The following GPR158 variants were observed in gnomAD, a reference collection of about 807,000 sequenced individuals.
GPR158 encodes metabotropic glycine receptor.
Under a neutral mutation model 78.2 loss-of-function variants are expected in GPR158, and 30 were observed. The observed-to-expected ratio is 0.38, with a 90% CI of 0.29 to 0.52. The LOEUF (loss-of-function observed/expected upper bound fraction) is 0.52. GPR158 is among the 20% of genes least tolerant of loss of function. The pLI, the probability that GPR158 is intolerant of heterozygous loss-of-function variation, is 0.83. For synonymous variants in GPR158, 581 were observed against 591.1 expected, an observed-to-expected ratio of 0.98 and a Z score of 0.25; for missense variants, 1,463 against 1,523.5, an observed-to-expected ratio of 0.96 and a Z score of 0.66.
intron 2 of GPR158, among the ~76,000 whole-genome samples, chr10:25,389,621 G>A (rs1240630931): frequency 6.6e-6 from 1 of 152,060 alleles, no homozygotes; most frequent in South Asian, 2.1e-4. Flanking sequence ...TGAATGGTGG[G>A]GCTAAAAAAG....
chr10:25,476,579 A>G (rs1301655254), intron 5 of GPR158, among the ~76,000 whole-genome samples: 5 of 152,118 alleles, frequency 3.3e-5, no homozygotes, highest in Non-Finnish European at 5.9e-5. Context: ...GTCTTTCTCC[A>G]GCCTCTTTAT....
rs371039444 is a variant in GPR158, at chr10:25,373,522, T to C, written c.1009-22389T>C. Among the ~76,000 whole-genome samples, 5 of 152,100 alleles carry C rather than the reference T, an allele frequency of 3.3e-5. No homozygotes were observed. The South Asian group carries it at 1.0e-3, about 31-fold the overall frequency. On this transcript the variant is annotated intron_variant, in intron 2 of 10. Coordinates refer to ENST00000376351, the MANE Select transcript of GPR158 (RefSeq NM_020752.3). ...ATGTATCTTCTTTGGGTTTATACAA[T>C]ATTGTTTTCAGTCTTCCTTTGTAGT...
intron 1 of GPR158, among the ~76,000 whole-genome samples, chr10:25,213,289 G>A (rs545166096): frequency 6.6e-6 from 1 of 152,230 alleles, no homozygotes; most frequent in African/African-American, 2.4e-5. Flanking sequence ...TGTTGGTAGA[G>A]GCAAGCTTTG....
At chr10:25,338,499 A>AT (rs1474085726) in intron 2 of GPR158, among the ~76,000 whole-genome samples, 41 of 139,268 alleles carry the variant, frequency 2.9e-4, no homozygotes, top group African/African-American at 1.0e-3. Flanking sequence ...TAATATACGT[A>AT]TATATATTAC....
chr10:25,233,769 A>T (rs1853485904), intron 2 of GPR158, among the ~76,000 whole-genome samples: 1 of 152,214 alleles, frequency 6.6e-6, no homozygotes, highest in South Asian at 2.1e-4. Flanking sequence ...CCATTCTCTT[A>T]TGAGTATCCC....
chr10:25,495,436 G>A (rs2130652049), intron 5 of GPR158, among the ~76,000 whole-genome samples: 1 of 150,906 alleles, frequency 6.6e-6, no homozygotes, highest in Admixed American at 6.6e-5. Flanking sequence ...GGGACTACAG[G>A]TGCCTGCCAT....
chr10:25,437,771 G>C (rs1438433523), intron 4 of GPR158, among the ~76,000 whole-genome samples: 1 of 152,148 alleles, frequency 6.6e-6, no homozygotes, highest in East Asian at 1.9e-4. Flanking sequence ...ATTGGAGATG[G>C]AAAAGTAGAG....
chr10:25,419,011 G>T (rs902887960), intron 4 of GPR158, among the ~76,000 whole-genome samples: 4 of 151,752 alleles, frequency 2.6e-5, no homozygotes, highest in African/African-American at 4.8e-5. Context: ...ATTCTAATAT[G>T]TTAATTATGA....
chr10:25,434,515 TACATAAGCAAAGG>T (rs1219249552), intron 4 of GPR158, among the ~76,000 whole-genome samples: 1 of 152,240 alleles, frequency 6.6e-6, no homozygotes, highest in Non-Finnish European at 1.5e-5. Context: ...CATCAAATGT[TACATAAGCAAAGG>T]ACTTTGCACA....
intron 5 of GPR158, among the ~76,000 whole-genome samples, chr10:25,472,506 A>G (rs1053436538): frequency 1.3e-5 from 2 of 152,290 alleles, no homozygotes; most frequent in South Asian, 2.1e-4. Flanking sequence ...GAAGAAAGTC[A>G]TTGGTAGCTG....
intron 2 of GPR158, among the ~76,000 whole-genome samples, chr10:25,360,726 T>A (rs1029050681): frequency 6.6e-6 from 1 of 152,158 alleles, no homozygotes; most frequent in African/African-American, 2.4e-5. Context: ...TTGCTCAGGA[T>A]TGTCTTGGCT....
At chr10:25,533,485 A>G (rs1010430934) in intron 5 of GPR158, among the ~76,000 whole-genome samples, 2 of 152,194 alleles carry the variant, frequency 1.3e-5, no homozygotes, top group African/African-American at 2.4e-5. Context: ...TCTCATGACT[A>G]TGGCTGTATC....
chr10:25,203,934 T>A lies in GPR158; in HGVS notation c.903-17118T>A, dbSNP rs963986137. Among the ~76,000 whole-genome samples, 3 of 144,950 alleles carry A rather than the reference T, an allele frequency of 2.1e-5. No individual in the cohort carries two copies. The Admixed American group carries it at 2.1e-4, about 10-fold the overall frequency. On this transcript the variant is annotated intron_variant, in intron 1 of 10. Transcript: ENST00000376351. ...TTTGTTTGTATCCTCTTTTATTTCATTGAGCAGTGGTTTGTACTTCTCCTT... is the reference window on the plus strand; with the variant it reads ...TTTGTTTGTATCCTCTTTTATTTCAATGAGCAGTGGTTTGTACTTCTCCTT...
chr10:25,210,378 G>T lies in GPR158; in HGVS notation c.903-10674G>T, dbSNP rs79990164. Among the ~76,000 whole-genome samples, 8 of 152,238 alleles carry T rather than the reference G, an allele frequency of 5.3e-5. No individual in the cohort carries two copies. The East Asian group carries it at 1.5e-3, about 29-fold the overall frequency. On this transcript the variant is annotated intron_variant, in intron 1 of 10. Coordinates refer to ENST00000376351, the MANE Select transcript of GPR158 (RefSeq NM_020752.3). Reference sequence around the variant, plus strand: ...AATGAGTGAGGATTTCTTCAAATGAGAAATCCAAAAGCAGGATTTCTGAGT... The same window carrying T: ...AATGAGTGAGGATTTCTTCAAATGATAAATCCAAAAGCAGGATTTCTGAGT...
chr10:25,402,696 G>C (rs536941988), intron 3 of GPR158, among the ~76,000 whole-genome samples: 2 of 151,858 alleles, frequency 1.3e-5, no homozygotes, highest in Non-Finnish European at 2.9e-5. Flanking sequence ...GAATATATTG[G>C]ATTTATTTCT....
rs892324027 is a variant in GPR158, at chr10:25,428,446, C to A, written c.1335+15973C>A. ...ATGAGACTGTCATTTCAGTGGCTAA[C>A]ATATTTTGGACATAAGTGTAATCGG... On this transcript the variant is annotated intron_variant, in intron 4 of 10. Coordinates refer to ENST00000376351, the MANE Select transcript of GPR158 (RefSeq NM_020752.3). 2.0e-5 allele frequency among the ~76,000 whole-genome samples: 3 copies of A among 151,912 alleles called. No individual in the cohort carries two copies. In the East Asian group the frequency reaches 5.8e-4, roughly 29 times the overall value.
At chr10:25,384,307 C>T (rs568260531) in intron 2 of GPR158, among the ~76,000 whole-genome samples, 90 of 152,164 alleles carry the variant, frequency 5.9e-4, no homozygotes, top group Middle Eastern at 3.4e-3. Flanking sequence ...TCAAAAAGTA[C>T]AGCACTCTGG....
At chr10:25,394,315 C>T (rs150583080) in intron 2 of GPR158, among the ~76,000 whole-genome samples, 6 of 152,192 alleles carry the variant, frequency 3.9e-5, no homozygotes, top group Admixed American at 2.0e-4. Context: ...CAAATCCACA[C>T]GGTTGGGAAG....
At position 25,601,459 on chromosome 10, in the gene GPR158, A is replaced by AATTTTGTTTCATCAAGTGCTAAAGG. The variant is rs1837496677; in HGVS notation, c.*2186_*2187insTTTTGTTTCATCAAGTGCTAAAGGA. 1.3e-5 allele frequency: 2 copies of AATTTTGTTTCATCAAGTGCTAAAGG among 152,566 alleles called. No homozygotes were observed. Among genetic ancestry groups the AATTTTGTTTCATCAAGTGCTAAAGG allele is most frequent in the East Asian group, 3.8e-4 (2 of 5,198 alleles). The allele number at this position is 152,566 out of a possible 1,614,324, so 9.5% of individuals were successfully genotyped here. On this transcript the variant is annotated 3_prime_UTR_variant, in exon 11 of 11. Coordinates refer to ENST00000376351, the MANE Select transcript of GPR158 (RefSeq NM_020752.3). ...CACATATTTGTTTCATTTATGTCTG[A>AATTTTGTTTCATCAAGTGCTAAAGG]AATCTGTTAGCACTTGATTCCTTTC... is the stretch of plus-strand genomic sequence containing the variant.
Sources: allele counts gnomAD v4.1 joint callset (sites outside exome capture counted in the v4.1 genomes callset), GRCh38; gene constraint gnomAD v4.1.1; transcripts MANE v1.5; gene names NCBI Gene and HGNC (gene_info 2026-07-23, HGNC 2026-07-21).